Variants in MYO1E observed in about 807,000 individuals in gnomAD.
MYO1E encodes myosin IE, also known as unconventional myosin-Ie.
Under a neutral mutation model 151.1 loss-of-function variants are expected in MYO1E, and 68 were observed. The ratio of observed to expected loss-of-function variants is 0.45; its 90% CI spans 0.37 to 0.55. MYO1E has a LOEUF of 0.55. Among genes scored for constraint, MYO1E ranks in the 20% least tolerant of loss-of-function variants. The pLI, the probability that MYO1E is intolerant of heterozygous loss-of-function variation, is 0.00. For missense variants in MYO1E, 1,363 were observed against 1,389.3 expected, an observed-to-expected ratio of 0.98 and a Z score of 0.30; for synonymous variants, 601 against 501.7, an observed-to-expected ratio of 1.20 and a Z score of -2.64.
At chr15:59,185,857 T>G (rs1395562659) in intron 18 of MYO1E, among the ~76,000 whole-genome samples, 1 of 152,162 alleles carries the variant, frequency 6.6e-6, no homozygotes, top group Non-Finnish European at 1.5e-5. Context: ...TGGCATCTAG[T>G]GGGTGGAGGC....
At chr15:59,336,465 C>A (rs1173466251) in intron 1 of MYO1E, among the ~76,000 whole-genome samples, 1 of 152,054 alleles carries the variant, frequency 6.6e-6, no homozygotes, top group African/African-American at 2.4e-5. Flanking sequence ...AGCAGTCAGG[C>A]TTTCATAAGT....
At chr15:59,258,983 G>C (rs1404304791) in intron 3 of MYO1E, among the ~76,000 whole-genome samples, 1 of 149,254 alleles carries the variant, frequency 6.7e-6, no homozygotes, top group African/African-American at 2.4e-5. Context: ...TTTAAATAGA[G>C]ACAGGGTCTC....
chr15:59,372,431 C>T (rs553298278), intron 1 of MYO1E, 67 bp downstream of exon 1: 1 of 1,533,022 alleles, frequency 6.5e-7, no homozygotes, highest in Non-Finnish European at 8.7e-7. Context: ...AAGGTGGGTG[C>T]ACCACGCCGG....
intron 1 of MYO1E, among the ~76,000 whole-genome samples, chr15:59,351,836 C>G (rs2080825209): frequency 6.6e-6 from 1 of 152,118 alleles, no homozygotes; most frequent in African/African-American, 2.4e-5. Flanking sequence ...AAAGGAAAAC[C>G]AGGTAGGAGT....
intron 4 of MYO1E, among the ~76,000 whole-genome samples, chr15:59,255,562 T>G (rs1241245119): frequency 2.6e-5 from 4 of 152,152 alleles, no homozygotes; most frequent in Admixed American, 2.0e-4. Context: ...GCCCAGCTAA[T>G]TTTTGTAAAT....
chr15:59,289,176 G>A (rs2080405014), intron 1 of MYO1E, among the ~76,000 whole-genome samples: 1 of 152,188 alleles, frequency 6.6e-6, no homozygotes, highest in Admixed American at 6.5e-5. Flanking sequence ...TCCCAGCCCA[G>A]CACTGTGCAG....
intron 22 of MYO1E, among the ~76,000 whole-genome samples, chr15:59,163,543 C>T (rs919123316): frequency 2.0e-4 from 30 of 151,844 alleles, no homozygotes; most frequent in African/African-American, 7.0e-4. Context: ...GTACTTTTTC[C>T]ACATGATTTT....
intron 27 of MYO1E, among the ~76,000 whole-genome samples, chr15:59,137,864 G>C (rs1307901901): frequency 6.6e-6 from 1 of 152,204 alleles, no homozygotes; most frequent in South Asian, 2.1e-4. Context: ...CAGAATAAAA[G>C]TCAGGACTTT....
chr15:59,266,722 T>C (rs1418839884), intron 2 of MYO1E: 3 of 147,974 alleles, frequency 2.0e-5, no homozygotes, highest in Non-Finnish European at 3.0e-5. Context: ...AGTGCAGTGG[T>C]GTGATATTGG....
At chr15:59,194,488 C>G (rs1030105244) in intron 17 of MYO1E, among the ~76,000 whole-genome samples, 1 of 152,178 alleles carries the variant, frequency 6.6e-6, no homozygotes, top group African/African-American at 2.4e-5. Flanking sequence ...AGGAGATAAT[C>G]GGCAGCTAGG....
rs528563883 is a variant in MYO1E at position 59,207,619 on chromosome 15, C to G, written c.1530+1062G>C. 3 of 1,614,130 alleles carry G rather than the reference C, an allele frequency of 1.9e-6. No homozygotes were observed. The East Asian group carries it at 6.7e-5, about 36-fold the overall frequency. On this transcript the variant is annotated intron_variant, in intron 14 of 27. Transcript: ENST00000288235. The stretch of plus-strand genomic sequence containing the variant: ...TTTTCGTTTCTTGATTGGACAAAAG[C>G]TTGGTATCCATTCTGAAAGCTGCCA...
At chr15:59,225,547 C>T (rs1442333010) in intron 7 of MYO1E, among the ~76,000 whole-genome samples, 1 of 152,224 alleles carries the variant, frequency 6.6e-6, no homozygotes, top group Admixed American at 6.5e-5. Context: ...CCCGATCCTA[C>T]ATATCTAGAA....
At chr15:59,262,587 G>A (rs1434194752) in intron 2 of MYO1E, among the ~76,000 whole-genome samples, 1 of 152,146 alleles carries the variant, frequency 6.6e-6, no homozygotes, top group African/African-American at 2.4e-5. Context: ...CAGATCAGAG[G>A]TTACAGCAAG....
chr15:59,248,324 A>C (rs1335432001), intron 4 of MYO1E, among the ~76,000 whole-genome samples: 2 of 151,002 alleles, frequency 1.3e-5, no homozygotes, highest in African/African-American at 4.9e-5. Context: ...TCTCTACTAA[A>C]AATACAAAAA....
At chr15:59,204,259 G>A (rs1170985994) in intron 15 of MYO1E, among the ~76,000 whole-genome samples, 2 of 152,208 alleles carry the variant, frequency 1.3e-5, no homozygotes, top group African/African-American at 4.8e-5. Flanking sequence ...CAGGGATGGA[G>A]AGCAGAGGGT....
intron 6 of MYO1E, among the ~76,000 whole-genome samples, chr15:59,230,244 G>GTC (rs1255502283): frequency 1.3e-5 from 2 of 151,788 alleles, no homozygotes; most frequent in Admixed American, 1.3e-4. Flanking sequence ...GTGTGTGTGT[G>GTC]TGTGTGTGTG....
At chr15:59,365,526 G>A (rs2080908091) in intron 1 of MYO1E, among the ~76,000 whole-genome samples, 1 of 152,050 alleles carries the variant, frequency 6.6e-6, no homozygotes, top group South Asian at 2.1e-4. Flanking sequence ...CTTGGATTCT[G>A]GCACCAGCTC....
chr15:59,360,644 T>C (rs190344539), intron 1 of MYO1E, among the ~76,000 whole-genome samples: 66 of 152,324 alleles, frequency 4.3e-4, no homozygotes, highest in Non-Finnish European at 7.4e-4. Context: ...TTGCCCTTTT[T>C]TTCCCCCAAC....
intron 15 of MYO1E, among the ~76,000 whole-genome samples, chr15:59,204,230 G>A (rs2079818985): frequency 1.3e-5 from 2 of 152,218 alleles, no homozygotes; most frequent in Admixed American, 1.3e-4. Flanking sequence ...AGAAATGGTG[G>A]TGTGGCTGCA....
Sources: allele counts gnomAD v4.1 joint callset (sites outside exome capture counted in the v4.1 genomes callset), GRCh38; gene constraint gnomAD v4.1.1; transcripts MANE v1.5; gene names NCBI Gene and HGNC (gene_info 2026-07-23, HGNC 2026-07-21).